The following C1QTNF3 variants were observed in gnomAD, a reference collection of about 807,000 sequenced individuals.
The protein encoded by C1QTNF3 is C1q and TNF related 3.
Under a neutral mutation model 32.6 loss-of-function variants are expected in C1QTNF3, and 26 were observed. That is an observed-to-expected ratio of 0.80 (90% CI 0.58 to 1.11). The LOEUF is 1.11. C1QTNF3 is among the 50% of genes least tolerant of loss of function. The probability of loss-of-function intolerance (pLI) is 0.00; values close to 1 mark genes in which losing one functional copy is unlikely to be tolerated. For synonymous variants in C1QTNF3, 155 were observed against 146.0 expected (o/e 1.06, Z -0.44); for missense variants, 362 against 398.2 (o/e 0.91, Z 0.77).
the C1QTNF3 span, among the ~76,000 whole-genome samples, chr5:34,160,544 A>G: frequency 6.6e-6 from 1 of 152,164 alleles, no homozygotes; most frequent in Non-Finnish European, 1.5e-5. Context: ...GGGCTCCCTA[A>G]ATTATAAGGG....
chr5:34,221,735 C>A, the C1QTNF3 span, among the ~76,000 whole-genome samples: 1 of 149,872 alleles, frequency 6.7e-6, no homozygotes, highest in Non-Finnish European at 1.5e-5. Context: ...ATGTTATTTT[C>A]ATAGATTTTA....
At chr5:34,029,008 G>A (rs964431697) in intron 3 of C1QTNF3, 125 bp from the exon 4 acceptor site, 1 of 701,026 alleles carries the variant, frequency 1.4e-6, no homozygotes, top group Non-Finnish European at 2.2e-6. Context: ...AATCTATGGA[G>A]AGAGAAACAA....
the C1QTNF3 span, among the ~76,000 whole-genome samples, chr5:34,086,951 G>A: frequency 2.6e-5 from 4 of 152,168 alleles, no homozygotes; most frequent in East Asian, 7.7e-4. Context: ...ACACCCCATA[G>A]CCAATAAATA....
the C1QTNF3 span, among the ~76,000 whole-genome samples, chr5:34,235,616 A>G: frequency 6.8e-6 from 1 of 146,740 alleles, no homozygotes; most frequent in South Asian, 2.2e-4. Context: ...ACACGAACAC[A>G]TTACCTTTTG....
intron 3 of C1QTNF3, among the ~76,000 whole-genome samples, chr5:34,029,313 T>C (rs1029679662): frequency 1.3e-5 from 2 of 152,126 alleles, no homozygotes; most frequent in African/African-American, 4.8e-5. Context: ...CTTTTTTTTT[T>C]TTTCTTTATA....
chr5:34,065,659 C>T, the C1QTNF3 span, among the ~76,000 whole-genome samples: 9 of 127,714 alleles, frequency 7.0e-5, no homozygotes, highest in Non-Finnish European at 1.3e-4. Flanking sequence ...AAGAGGGAAA[C>T]TCCATCTCAA....
At chr5:34,183,322 A>ATTTTTTTTTT in the C1QTNF3 span, among the ~76,000 whole-genome samples, 113 of 128,680 alleles carry the variant, frequency 8.8e-4, no homozygotes, top group Middle Eastern at 6.1e-3. Flanking sequence ...TAATTTTTTA[A>ATTTTTTTTTT]TTTTCTTTTT....
chr5:34,239,300 C>T, the C1QTNF3 span: 1 of 152,074 alleles, frequency 6.6e-6, no homozygotes, highest in Admixed American at 6.6e-5. Context: ...TCAACATTAA[C>T]CATAAATGTA....
the C1QTNF3 span, among the ~76,000 whole-genome samples, chr5:34,169,785 A>G: frequency 1.3e-5 from 2 of 152,160 alleles, no homozygotes; most frequent in Admixed American, 1.3e-4. Context: ...CAAAAGATAA[A>G]TGGTGAGGAT....
chr5:34,216,183 A>C, the C1QTNF3 span, among the ~76,000 whole-genome samples: 3 of 152,192 alleles, frequency 2.0e-5, no homozygotes, highest in African/African-American at 7.2e-5. Flanking sequence ...TACCACCTTC[A>C]TTGTCTTGTT....
At chr5:34,075,203 G>A in the C1QTNF3 span, among the ~76,000 whole-genome samples, 2 of 151,612 alleles carry the variant, frequency 1.3e-5, no homozygotes, top group African/African-American at 4.9e-5. Flanking sequence ...ATGCATGGAT[G>A]AAAAAATACT....
At chr5:34,177,987 C>A in the C1QTNF3 span, among the ~76,000 whole-genome samples, 5 of 150,988 alleles carry the variant, frequency 3.3e-5, no homozygotes, top group South Asian at 2.1e-4. Flanking sequence ...AGAACGGGGG[C>A]TGGGCATGGT....
chr5:34,237,033 G>C, the C1QTNF3 span, among the ~76,000 whole-genome samples: 1 of 152,084 alleles, frequency 6.6e-6, no homozygotes, highest in Non-Finnish European at 1.5e-5. Flanking sequence ...CGGAAAGAAA[G>C]GTTGCTTAGT....
chr5:34,232,172 A>G, the C1QTNF3 span, among the ~76,000 whole-genome samples: 6 of 151,312 alleles, frequency 4.0e-5, no homozygotes, highest in Admixed American at 4.0e-4. Context: ...TGTTTTGGCT[A>G]ATTTCTCCCT....
chr5:34,040,744 C>CCCTG (rs1754851166), intron 1 of C1QTNF3, among the ~76,000 whole-genome samples: 1 of 152,106 alleles, frequency 6.6e-6, no homozygotes, highest in Admixed American at 6.6e-5. Flanking sequence ...CAACCCCCAC[C>CCCTG]CCTGCATCCC....
At chr5:34,045,125 A>G (rs762315540), upstream of C1QTNF3, among the ~76,000 whole-genome samples, 8 of 152,136 alleles carry the variant, frequency 5.3e-5, no homozygotes, top group Non-Finnish European at 1.2e-4. Context: ...AATCTAGGTC[A>G]CCCAATTCAC....
At chr5:34,139,654 CA>C in the C1QTNF3 span, among the ~76,000 whole-genome samples, 57 of 152,062 alleles carry the variant, frequency 3.7e-4, no homozygotes, top group African/African-American at 1.4e-3. Flanking sequence ...AACATCGCTT[CA>C]GAAATAAAAT....
the C1QTNF3 span, among the ~76,000 whole-genome samples, chr5:34,205,262 T>C: frequency 2.0e-5 from 3 of 152,210 alleles, no homozygotes; most frequent in Admixed American, 6.5e-5. Flanking sequence ...AGGAAGGCAC[T>C]GATGCTTGCG....
At chr5:34,095,789 T>C in the C1QTNF3 span, among the ~76,000 whole-genome samples, 1 of 152,048 alleles carries the variant, frequency 6.6e-6, no homozygotes, top group Non-Finnish European at 1.5e-5. Context: ...TTTTAAGATA[T>C]ATACGAATAA....
Sources: allele counts gnomAD v4.1 joint callset (sites outside exome capture counted in the v4.1 genomes callset), GRCh38; gene constraint gnomAD v4.1.1; transcripts MANE v1.5; gene names NCBI Gene and HGNC (gene_info 2026-07-23, HGNC 2026-07-21).